The following DMC1 variants were observed in gnomAD, a reference collection of about 807,000 sequenced individuals.
DMC1 encodes DNA meiotic recombinase 1.
In DMC1, 27 loss-of-function variants were observed where a neutral mutation model predicts 50.1. The ratio of observed to expected loss-of-function variants is 0.54; its 90% CI spans 0.40 to 0.74. DMC1 has a LOEUF of 0.74. Ranked by LOEUF, DMC1 falls within the 30% of genes least tolerant of loss-of-function variation. DMC1 has a pLI of 0.00. For missense variants in DMC1, 295 were observed against 420.2 expected, an observed-to-expected ratio of 0.70 and a Z score of 2.60; for synonymous variants, 148 against 136.1, an observed-to-expected ratio of 1.09 and a Z score of -0.61.
intron 8 of DMC1, among the ~76,000 whole-genome samples, chr22:38,546,486 T>C (rs1302924243): frequency 6.6e-6 from 1 of 152,190 alleles, no homozygotes; most frequent in African/African-American, 2.4e-5. Context: ...ATCAATTGTT[T>C]CTGAAACCAG....
intron 9 of DMC1, among the ~76,000 whole-genome samples, 159 bp from the exon 10 acceptor site, chr22:38,538,771 A>G (rs2090247215): frequency 6.6e-6 from 1 of 152,242 alleles, no homozygotes; most frequent in East Asian, 1.9e-4. Flanking sequence ...ATGGTGGCTC[A>G]TGCCTATAAT....
intron 12 of DMC1, 53 bp downstream of exon 12, chr22:38,537,539 A>C: frequency 1.2e-3 from 1,738 of 1,505,828 alleles, no homozygotes; most frequent in Non-Finnish European, 1.5e-3. Flanking sequence ...TCTACGCTCT[A>C]ACCCTCTTTA....
Position 38,562,336 on chromosome 22 carries a change from C to T in DMC1, c.277G>A (p.Glu93Lys). The change falls in exon 5 of 14, where the codon GAA becomes AAA. Residue 93 changes from glutamate (E) to lysine (K), a missense_variant. Coordinates refer to ENST00000216024, the MANE Select transcript of DMC1 (RefSeq NM_007068.4). The stretch of plus-strand genomic sequence containing the variant: ...ATATGGAAAACCATTTTCCTCTTTT[C>T]ACTATACTCAAATGCAGTCAAGAAT... ...PGFLTAFEYS[E>K]KRKMVFHITT... 6.2e-7 allele frequency: 1 copy of T among 1,612,672 alleles called. No individual in the cohort carries two copies. Among genetic ancestry groups the T allele is most frequent in the Non-Finnish European group, 8.5e-7 (1 of 1,178,992 alleles).
chr22:38,553,393 G>A (rs539007010), intron 6 of DMC1, among the ~76,000 whole-genome samples: 19 of 150,010 alleles, frequency 1.3e-4, no homozygotes, highest in Non-Finnish European at 2.7e-4. Flanking sequence ...AGCTACTCGG[G>A]AGGCTGAGGC....
intron 5 of DMC1, among the ~76,000 whole-genome samples, 162 bp downstream of exon 5, chr22:38,562,125 A>G (rs1304525462): frequency 6.6e-6 from 1 of 152,154 alleles, no homozygotes; most frequent in Non-Finnish European, 1.5e-5. Flanking sequence ...CAAGCAGTCT[A>G]GAATTTGTTT....
intron 7 of DMC1, among the ~76,000 whole-genome samples, chr22:38,550,221 T>C (rs574492494): frequency 6.6e-6 from 1 of 152,318 alleles, no homozygotes; most frequent in South Asian, 2.1e-4. Flanking sequence ...AATTTCACTA[T>C]CTTTCACAAT....
chr22:38,559,404 G>A (rs1290772950), intron 5 of DMC1, among the ~76,000 whole-genome samples: 2 of 151,760 alleles, frequency 1.3e-5, no homozygotes, highest in African/African-American at 4.8e-5. Context: ...CCTGACCTAA[G>A]GTGATCCACC....
chr22:38,562,113 T>C (rs1388894967), intron 5 of DMC1, among the ~76,000 whole-genome samples, 174 bp downstream of exon 5: 2 of 151,974 alleles, frequency 1.3e-5, no homozygotes, highest in East Asian at 1.9e-4. Context: ...ATCTTGCTCC[T>C]CCAAGCAGTC....
chr22:38,526,140 AAAAG>A (rs2090085668), intron 12 of DMC1, among the ~76,000 whole-genome samples: 1 of 152,164 alleles, frequency 6.6e-6, no homozygotes, highest in African/African-American at 2.4e-5. Context: ...CCATAGGTTT[AAAAG>A]AAAGGAAAAC....
At chr22:38,549,316 C>G (rs1306877227) in intron 8 of DMC1, 3 of 152,370 alleles carry the variant, frequency 2.0e-5, no homozygotes, top group Non-Finnish European at 2.9e-5. Flanking sequence ...GGGACCATGA[C>G]TTTCAGTGAG....
At chr22:38,562,760 C>CATATATGTGTATACATAT (rs2090541579) in intron 4 of DMC1, among the ~76,000 whole-genome samples, 1 of 151,746 alleles carries the variant, frequency 6.6e-6, no homozygotes, top group Admixed American at 6.6e-5. Context: ...ACGTTATATA[C>CATATATGTGTATACATAT]ACATATATAC....
chr22:38,516,537 C>G (rs1480121347), downstream of DMC1, among the ~76,000 whole-genome samples: 1 of 152,146 alleles, frequency 6.6e-6, no homozygotes, highest in Non-Finnish European at 1.5e-5. Flanking sequence ...AGGAGATGCT[C>G]AGTTTTTATC....
chr22:38,552,755 TA>T, intron 6 of DMC1, 48 bp from the exon 7 acceptor site: 1 of 1,265,774 alleles, frequency 7.9e-7, no homozygotes, highest in Non-Finnish European at 1.2e-6. Flanking sequence ...AATTTCCAGA[TA>T]TTTTCATAAA....
intron 8 of DMC1, chr22:38,545,793 C>T (rs1179803398): frequency 2.6e-5 from 4 of 152,084 alleles, no homozygotes; most frequent in South Asian, 2.1e-4. Flanking sequence ...TATTTATTAA[C>T]CAATTACCAT....
At chr22:38,530,220 GCC>G (rs1555932969) in intron 12 of DMC1, among the ~76,000 whole-genome samples, 2 of 152,066 alleles carry the variant, frequency 1.3e-5, no homozygotes, top group Non-Finnish European at 2.9e-5. Flanking sequence ...ACCTGCCTCA[GCC>G]TCCCAAAGTG....
chr22:38,539,273 C>T (rs2145869835), intron 9 of DMC1, 48 bp downstream of exon 9: 1 of 1,355,510 alleles, frequency 7.4e-7, no homozygotes, highest in Non-Finnish European at 1.1e-6. Flanking sequence ...TAAATCAGTG[C>T]TGCCAACCTT....
downstream of DMC1, among the ~76,000 whole-genome samples, chr22:38,515,523 G>C (rs1909837974): frequency 6.6e-6 from 1 of 151,524 alleles, no homozygotes; most frequent in Admixed American, 6.6e-5. Context: ...AAGTAGCAGG[G>C]CACGGTGGCT....
intron 6 of DMC1, 49 bp downstream of exon 6, chr22:38,555,306 ATG>A (rs750143092): frequency 5.6e-5 from 63 of 1,124,116 alleles, no homozygotes; most frequent in Middle Eastern, 2.0e-4. Flanking sequence ...ATAGATGTGT[ATG>A]TGTGTGTGTA....
At chr22:38,546,303 C>T (rs1305947964) in intron 8 of DMC1, among the ~76,000 whole-genome samples, 3 of 151,876 alleles carry the variant, frequency 2.0e-5, no homozygotes, top group African/African-American at 4.8e-5. Context: ...GGAGGAGAAT[C>T]GCTTGAACCT....
Sources: allele counts gnomAD v4.1 joint callset (sites outside exome capture counted in the v4.1 genomes callset), GRCh38; gene constraint gnomAD v4.1.1; transcripts MANE v1.5; gene names NCBI Gene and HGNC (gene_info 2026-07-23, HGNC 2026-07-21).